AFF1: variants seen among roughly 807,000 people sequenced by gnomAD.
AFF1 encodes the protein AF4/FMR2 family member 1.
In AFF1, 48 loss-of-function variants were observed where a neutral mutation model predicts 121.7. The observed-to-expected ratio is 0.39, with a 90% CI of 0.31 to 0.50. AFF1 has a LOEUF of 0.50. Ranked by LOEUF, AFF1 falls within the 20% of genes least tolerant of loss-of-function variation. The pLI is 0.76. For missense variants in AFF1, 1,523 were observed against 1,511.7 expected (o/e 1.01, Z -0.12); for synonymous variants, 613 against 563.0 (o/e 1.09, Z -1.26).
rs557433547 is a variant in AFF1, at chr4:87,091,772, A to G, written c.1192-21A>G. On this transcript the variant is annotated intron_variant, in intron 6 of 20. Coordinates refer to ENST00000395146, the MANE Select transcript of AFF1 (RefSeq NM_001166693.3). ...TAAGCCTTAATCTTTTAATAATTAG[A>G]TATTTTTATTTTCTTTCTAGGACTC... 8.2e-6 allele frequency: 12 copies of G among 1,469,996 alleles called. No homozygotes were observed. In the South Asian group the frequency reaches 1.0e-4, roughly 13 times the overall value. The allele number at this position is 1,469,996 out of a possible 1,614,324, so 91.1% of individuals were successfully genotyped here.
At chr4:87,026,255 C>G (rs1351868443) in intron 2 of AFF1, among the ~76,000 whole-genome samples, 1 of 152,068 alleles carries the variant, frequency 6.6e-6, no homozygotes, top group Non-Finnish European at 1.5e-5. Flanking sequence ...GCCATGCACA[C>G]CCAGCTAATT....
At chr4:87,127,422 C>T (rs1299633247) in intron 15 of AFF1, among the ~76,000 whole-genome samples, 3 of 152,174 alleles carry the variant, frequency 2.0e-5, no homozygotes, top group Non-Finnish European at 2.9e-5. Flanking sequence ...CTCGGCCTCC[C>T]AAAGTGCTGG....
intron 16 of AFF1, 123 bp from the exon 17 acceptor site, chr4:87,130,960 C>A: frequency 1.5e-6 from 2 of 1,311,616 alleles, no homozygotes; most frequent in South Asian, 2.8e-5. Flanking sequence ...CATTCATCCT[C>A]ACACTTCTCC....
At chr4:86,980,947 A>ACCG (rs71660106) in intron 2 of AFF1, among the ~76,000 whole-genome samples, 2 of 102,400 alleles carry the variant, frequency 2.0e-5, no homozygotes, top group Non-Finnish European at 4.1e-5. Flanking sequence ...GGCTTGAGGC[A>ACCG]CCCCCCCCCT....
chr4:87,091,809 G>A lies in AFF1; in HGVS notation c.1208G>A (p.Ser403Asn), dbSNP rs1724344009. ...TCTTTCTAGGACTCTCAGCATGTCA[G>A]TTCTGTAACCCAAAACCAAAGTAAG... ...PFPTKDSQHV[S>N]SVTQNQKQYD... The change falls in exon 7 of 21, where the codon AGT becomes AAT. Residue 403 changes from serine (S) to asparagine (N), a missense_variant. Ser to Asn is a conservative substitution (Grantham distance 46). Around this residue, in one of 5 missense-constraint regions of AFF1, gnomAD observed 905 missense variants for 842.5 expected, o/e 1.07. Coordinates refer to ENST00000395146, the MANE Select transcript of AFF1 (RefSeq NM_001166693.3). 1.3e-6 allele frequency: 2 copies of A among 1,559,792 alleles called. No homozygotes were observed. Among genetic ancestry groups the A allele is most frequent in the African/African-American group, 1.4e-5 (1 of 71,928 alleles).
intron 2 of AFF1, among the ~76,000 whole-genome samples, chr4:87,010,362 A>T (rs1722403211): frequency 6.6e-6 from 1 of 152,204 alleles, no homozygotes; most frequent in South Asian, 2.1e-4. Flanking sequence ...TCACTGAGAA[A>T]TGTCTTGTCA....
At chr4:86,981,058 G>A (rs1723715418) in intron 2 of AFF1, among the ~76,000 whole-genome samples, 1 of 151,480 alleles carries the variant, frequency 6.6e-6, no homozygotes, top group South Asian at 2.1e-4. Context: ...TGTCGCCCAG[G>A]CTGGAGTGCA....
chr4:87,060,460 C>A (rs966400945), intron 4 of AFF1, among the ~76,000 whole-genome samples: 1 of 152,082 alleles, frequency 6.6e-6, no homozygotes, highest in Non-Finnish European at 1.5e-5. Flanking sequence ...GAAGGAATCA[C>A]TTTTTTGGGA....
chr4:87,012,217 CTTGTT>C (rs1277359567), intron 2 of AFF1, among the ~76,000 whole-genome samples: 3 of 115,098 alleles, frequency 2.6e-5, no homozygotes, highest in Non-Finnish European at 3.7e-5. Context: ...CATTTCATTT[CTTGTT>C]TTTTTTTTTT....
chr4:87,118,499 C>T (rs891875612), intron 12 of AFF1, among the ~76,000 whole-genome samples: 3 of 152,120 alleles, frequency 2.0e-5, no homozygotes, highest in African/African-American at 7.2e-5. Context: ...TTATTTTTAG[C>T]TTAGAGACTA....
chr4:86,980,938 G>A (rs969408402), intron 2 of AFF1, among the ~76,000 whole-genome samples: 29 of 140,210 alleles, frequency 2.1e-4, no homozygotes, highest in Non-Finnish European at 3.8e-4. Flanking sequence ...ACTTTGCGAG[G>A]CTTGAGGCAC....
At chr4:87,036,346 G>T (rs1729560964) in intron 2 of AFF1, among the ~76,000 whole-genome samples, 1 of 152,150 alleles carries the variant, frequency 6.6e-6, no homozygotes, top group African/African-American at 2.4e-5. Context: ...ATAACATAAA[G>T]ACATGTTTTA....
At position 87,111,115 on chromosome 4, in the gene AFF1, C is replaced by T. The variant is rs534834537; in HGVS notation, c.1533+2800C>T. Among the ~76,000 whole-genome samples the T allele has an allele frequency of 3.6e-5, 3 of 84,238 alleles. 1 individual carries two copies. In the East Asian group the frequency reaches 1.0e-3, roughly 28 times the overall value. 55.3% of individuals were successfully genotyped at this position (84,238 alleles called of 152,430 possible). A position where few individuals can be genotyped will look rare whatever the true frequency, so the allele number is the denominator to read the frequency against. On this transcript the variant is annotated intron_variant, in intron 11 of 20. Coordinates refer to ENST00000395146, the MANE Select transcript of AFF1 (RefSeq NM_001166693.3). ...CTCCGCCTCCCGGGTTCACGCCATT[C>T]TCCTGCCTCAGCCTCCCGAGTAGCT...
rs1476175450 is a variant in AFF1, at chr4:87,137,346, G to A, written c.*1645G>A. On this transcript the variant is annotated 3_prime_UTR_variant, in exon 21 of 21. Coordinates refer to ENST00000395146, the MANE Select transcript of AFF1 (RefSeq NM_001166693.3). ...TAATGAAGACATCTAAGATCCCTAT[G>A]ATGAATGCAGGAACTCTCTTGGTAG... The A allele has an allele frequency of 4.4e-6, 1 of 228,490 alleles. No homozygotes were observed. The highest frequency in any genetic ancestry group is 6.3e-5 in the East Asian group (1 of 15,914). The allele number at this position is 228,490 out of a possible 1,614,324, so 14.2% of individuals were successfully genotyped here.
chr4:87,007,155 C>T (rs1726219860), intron 2 of AFF1: 1 of 1,320,084 alleles, frequency 7.6e-7, no homozygotes. Flanking sequence ...CCGGGCTCGT[C>T]TGAAGTGCAG....
At chr4:87,105,521 C>A in intron 8 of AFF1, 107 bp from the exon 9 acceptor site, 1 of 1,239,414 alleles carries the variant, frequency 8.1e-7, no homozygotes, top group Non-Finnish European at 1.2e-6. Context: ...AAAACTTACA[C>A]ATATCCTCTC....
intron 2 of AFF1, among the ~76,000 whole-genome samples, chr4:87,043,286 A>C (rs1053097319): frequency 1.3e-5 from 2 of 152,170 alleles, no homozygotes; most frequent in Admixed American, 6.5e-5. Flanking sequence ...TGCCCATGGT[A>C]AGCTTTCCCC....
chr4:86,993,945 A>T, intron 2 of AFF1, among the ~76,000 whole-genome samples: 1 of 133,690 alleles, frequency 7.5e-6, no homozygotes, highest in Non-Finnish European at 1.8e-5. Flanking sequence ...AGCCTGGGAG[A>T]CAGAGCGAGA....
At chr4:87,128,604 G>A (rs1343104167) in intron 16 of AFF1, among the ~76,000 whole-genome samples, 1 of 152,198 alleles carries the variant, frequency 6.6e-6, no homozygotes, top group Non-Finnish European at 1.5e-5. Flanking sequence ...ACCCACAGGG[G>A]TCTGAATCAG....
Sources: allele counts gnomAD v4.1 joint callset (sites outside exome capture counted in the v4.1 genomes callset), GRCh38; gene constraint gnomAD v4.1.1; regional missense constraint gnomAD v4.1.1; transcripts MANE v1.5; gene names NCBI Gene and HGNC (gene_info 2026-07-23, HGNC 2026-07-21).